Variants in NRXN3 observed in about 807,000 individuals in gnomAD.
The protein encoded by NRXN3 is neurexin III.
Under a neutral mutation model 137.6 loss-of-function variants are expected in NRXN3, and 32 were observed. That is an observed-to-expected ratio of 0.23 (90% confidence interval 0.18 to 0.31). The LOEUF (loss-of-function observed/expected upper bound fraction) is 0.31, where lower values mean the gene tolerates loss of function less well. Among genes scored for constraint, NRXN3 ranks in the 10% least tolerant of loss-of-function variants. NRXN3 has a pLI of 1.00. For synonymous variants in NRXN3, 798 were observed against 784.5 expected (o/e 1.02, Z -0.29); for missense variants, 1,574 against 2,062.5 (o/e 0.76, Z 4.59).
intron 10 of NRXN3, among the ~76,000 whole-genome samples, chr14:78,874,916 A>C (rs905648803): frequency 6.6e-6 from 1 of 152,220 alleles, no homozygotes; most frequent in Non-Finnish European, 1.5e-5. Context: ...CAGGGTGTCA[A>C]GTCCGAGAGT....
intron 8 of NRXN3, among the ~76,000 whole-genome samples, chr14:78,724,147 A>T (rs1381095714): frequency 1.3e-5 from 2 of 152,234 alleles, no homozygotes; most frequent in Non-Finnish European, 2.9e-5. Flanking sequence ...TAGAAAAATC[A>T]TATTTTGAAC....
chr14:79,133,116 G>A lies in NRXN3; in HGVS notation c.3262+144975G>A, dbSNP rs149432460. ...AGTCTTTAGTTGCAGGGTGAGCTGGGCAGCACATTACAGTGTCTACTATAC... is the reference window on the plus strand; with the variant it reads ...AGTCTTTAGTTGCAGGGTGAGCTGGACAGCACATTACAGTGTCTACTATAC... On this transcript the variant is annotated intron_variant, in intron 15 of 20. Transcript: ENST00000335750. Among the ~76,000 whole-genome samples the A allele has an allele frequency of 3.6e-3, 541 of 152,316 alleles. 2 individuals carry two copies. Among genetic ancestry groups the A allele is most frequent in the African/African-American group, 0.012 (512 of 41,574 alleles).
intron 1 of NRXN3, among the ~76,000 whole-genome samples, chr14:78,231,971 G>A (rs181850119): frequency 6.4e-4 from 98 of 152,360 alleles, no homozygotes; most frequent in Non-Finnish European, 1.2e-3. Flanking sequence ...CTTTCTAGGG[G>A]CTGTGTGTCA....
At chr14:79,096,647 C>G (rs536371723) in intron 15 of NRXN3, among the ~76,000 whole-genome samples, 127 of 152,068 alleles carry the variant, frequency 8.4e-4, no homozygotes, top group African/African-American at 3.0e-3. Context: ...AGCCACCATA[C>G]TTGGCTCTCA....
At chr14:79,583,621 A>G (rs1353283452) in intron 16 of NRXN3, among the ~76,000 whole-genome samples, 2 of 152,182 alleles carry the variant, frequency 1.3e-5, no homozygotes, top group East Asian at 1.9e-4. Flanking sequence ...TGAACTTAAG[A>G]TTATACTCAA....
At chr14:78,602,928 T>C (rs1187808851) in intron 4 of NRXN3, among the ~76,000 whole-genome samples, 2 of 152,144 alleles carry the variant, frequency 1.3e-5, no homozygotes, top group African/African-American at 2.4e-5. Context: ...GTTCATGGCA[T>C]AGGGTTAAGA....
chr14:78,586,259 T>G (rs2097061247), intron 4 of NRXN3, among the ~76,000 whole-genome samples: 1 of 152,102 alleles, frequency 6.6e-6, no homozygotes, highest in East Asian at 1.9e-4. Context: ...TTTTTGTTTT[T>G]TTTGACCCTT....
At chr14:78,719,032 A>G (rs1251451060) in intron 8 of NRXN3, among the ~76,000 whole-genome samples, 3 of 152,226 alleles carry the variant, frequency 2.0e-5, no homozygotes, top group Non-Finnish European at 4.4e-5. Flanking sequence ...CTTTGCTGGT[A>G]TAGCCAAACT....
At position 79,323,582 on chromosome 14, in the gene NRXN3, G is replaced by A. The variant is rs372820365; in HGVS notation, c.3263-143639G>A. On this transcript the variant is annotated intron_variant, in intron 15 of 20. Coordinates refer to ENST00000335750, the MANE Select transcript of NRXN3 (RefSeq NM_001330195.2). Reference sequence around the variant, plus strand: ...TTTTTAATATTTTATATAGTAGGCCGGGCGTGGTGGCTCACGCCTGTAATC... The same window carrying A: ...TTTTTAATATTTTATATAGTAGGCCAGGCGTGGTGGCTCACGCCTGTAATC... Among the ~76,000 whole-genome samples the A allele has an allele frequency of 7.2e-5, 11 of 152,128 alleles. No homozygotes were observed. The East Asian group carries it at 1.2e-3, about 16-fold the overall frequency.
At chr14:78,447,232 G>C (rs1004811449) in intron 4 of NRXN3, among the ~76,000 whole-genome samples, 4 of 152,204 alleles carry the variant, frequency 2.6e-5, no homozygotes, top group African/African-American at 9.7e-5. Flanking sequence ...TCATATTTCA[G>C]AGTGCTGCTG....
intron 20 of NRXN3, chr14:79,860,980 G>C: frequency 9.7e-7 from 1 of 1,033,056 alleles, no homozygotes; most frequent in Non-Finnish European, 1.3e-6. Flanking sequence ...AATGACGTTG[G>C]TTGAGTGAGA....
intron 15 of NRXN3, among the ~76,000 whole-genome samples, chr14:79,116,942 A>C (rs954678938): frequency 6.6e-6 from 1 of 152,200 alleles, no homozygotes; most frequent in African/African-American, 2.4e-5. Context: ...TGCAACTTTC[A>C]TCTCACCACA....
rs566826912 is a variant in NRXN3 at position 78,692,358 on chromosome 14, A to G, written c.1222-16859A>G. 6.6e-5 allele frequency among the ~76,000 whole-genome samples: 10 copies of G among 152,248 alleles called. 1 individual carries two copies. In the East Asian group the frequency reaches 1.9e-3, roughly 29 times the overall value. ...CTTGATTTCAGTTTGGCCTGATTAG[A>G]TGGTACTAAGTTTTCTATATGGTAA... On this transcript the variant is annotated intron_variant, in intron 6 of 20. Coordinates refer to ENST00000335750, the MANE Select transcript of NRXN3 (RefSeq NM_001330195.2).
intron 16 of NRXN3, among the ~76,000 whole-genome samples, chr14:79,651,240 GAC>G (rs1332845109): frequency 3.3e-5 from 5 of 152,124 alleles, no homozygotes; most frequent in African/African-American, 7.2e-5. Flanking sequence ...TTTTCCTGAA[GAC>G]AGTTTGGTAG....
At chr14:79,515,830 G>A (rs998111847) in intron 16 of NRXN3, among the ~76,000 whole-genome samples, 3 of 152,162 alleles carry the variant, frequency 2.0e-5, no homozygotes, top group African/African-American at 7.2e-5. Context: ...ATGGCAGGAA[G>A]TGGGTAGCAG....
At position 79,486,953 on chromosome 14, in the gene NRXN3, CT is replaced by C. The variant is rs1567258848; in HGVS notation, c.3444+19552del. On this transcript the variant is annotated intron_variant, in intron 16 of 20. Coordinates refer to ENST00000335750, the MANE Select transcript of NRXN3 (RefSeq NM_001330195.2). ...TCTCTCTCTCTCTCTCTCTCTCTCTCTCTCTCTCCCACACACACACACCCCA... is the reference window on the plus strand; with the variant it reads ...TCTCTCTCTCTCTCTCTCTCTCTCTCCTCTCTCCCACACACACACACCCCA... Among the ~76,000 whole-genome samples, 916 of 150,290 alleles carry C rather than the reference CT, an allele frequency of 6.1e-3. 12 individuals are homozygous for C. The highest frequency in any genetic ancestry group is 0.022 in the African/African-American group (881 of 40,724).
Position 78,338,840 on chromosome 14 carries a change from G to A in NRXN3, c.757+40980G>A, listed in dbSNP as rs1001915588. On this transcript the variant is annotated intron_variant, in intron 4 of 20. Coordinates refer to ENST00000335750, the MANE Select transcript of NRXN3 (RefSeq NM_001330195.2). Reference sequence around the variant, plus strand: ...ACTTAACACTTTAACACTTGAAAGGGCCTCTTCATTGTGGTTTCATTCACC... The same window carrying A: ...ACTTAACACTTTAACACTTGAAAGGACCTCTTCATTGTGGTTTCATTCACC... Among the ~76,000 whole-genome samples, 9 of 152,180 alleles carry A rather than the reference G, an allele frequency of 5.9e-5. No individual in the cohort carries two copies. In the East Asian group the frequency reaches 9.6e-4, roughly 16 times the overall value.
At chr14:79,172,180 T>C (rs1188691581) in intron 15 of NRXN3, among the ~76,000 whole-genome samples, 1 of 120,094 alleles carries the variant, frequency 8.3e-6, no homozygotes, top group Non-Finnish European at 1.9e-5. Flanking sequence ...AAAGAAACAA[T>C]AACTTGCTAG....
rs573385611 is a variant in NRXN3, at chr14:79,274,059, C to T, written c.3263-193162C>T. ...TGGAGGTTGCATTGAGCCGAGATTA[C>T]GCACTGCACTCCAGTCTTGGTGACA... On this transcript the variant is annotated intron_variant, in intron 15 of 20. Transcript: ENST00000335750. Among the ~76,000 whole-genome samples, 369 of 148,818 alleles carry T rather than the reference C, an allele frequency of 2.5e-3. 4 individuals are homozygous for T. The highest frequency in any genetic ancestry group is 8.8e-3 in the African/African-American group (351 of 40,026).
Sources: allele counts gnomAD v4.1 joint callset (sites outside exome capture counted in the v4.1 genomes callset), GRCh38; gene constraint gnomAD v4.1.1; transcripts MANE v1.5; gene names NCBI Gene and HGNC (gene_info 2026-07-23, HGNC 2026-07-21).